The following IMMP2L variants were observed in gnomAD, a reference collection of about 807,000 sequenced individuals.
IMMP2L encodes the protein mitochondrial inner membrane protease subunit 2.
In IMMP2L, 18 loss-of-function variants were observed where a neutral mutation model predicts 19.3. The ratio of observed to expected loss-of-function variants is 0.93; its 90% CI spans 0.64 to 1.38. The LOEUF (loss-of-function observed/expected upper bound fraction) is 1.38, where lower values mean the gene tolerates loss of function less well. IMMP2L is among the 40% of genes most tolerant of loss of function. IMMP2L has a pLI of 0.00. For missense variants in IMMP2L, 233 were observed against 218.2 expected (o/e 1.07, Z -0.43); for synonymous variants, 76 against 73.0 (o/e 1.04, Z -0.21).
At chr7:111,478,360 C>A (rs1006902977) in intron 3 of IMMP2L, among the ~76,000 whole-genome samples, 5 of 151,974 alleles carry the variant, frequency 3.3e-5, no homozygotes, top group African/African-American at 1.2e-4. Flanking sequence ...AAATTATCCA[C>A]CTTTTCATCA....
At chr7:111,022,020 T>A (rs1826334347) in intron 3 of IMMP2L, among the ~76,000 whole-genome samples, 1 of 152,156 alleles carries the variant, frequency 6.6e-6, no homozygotes, top group East Asian at 1.9e-4. Flanking sequence ...CAATTTAACA[T>A]GAGATTTGTG....
At chr7:110,703,535 G>A (rs566650770) in intron 5 of IMMP2L, among the ~76,000 whole-genome samples, 6 of 151,984 alleles carry the variant, frequency 3.9e-5, no homozygotes, top group South Asian at 2.1e-4. Flanking sequence ...TCAGTTTTTC[G>A]AAACCTCAGT....
intron 4 of IMMP2L, among the ~76,000 whole-genome samples, chr7:110,898,285 A>C (rs768644513): frequency 6.6e-6 from 1 of 151,522 alleles, no homozygotes; most frequent in Non-Finnish European, 1.5e-5. Flanking sequence ...ATTAAGGGCA[A>C]TATGTCCAGG....
At chr7:111,373,623 A>G (rs1008112546) in intron 3 of IMMP2L, among the ~76,000 whole-genome samples, 3 of 152,042 alleles carry the variant, frequency 2.0e-5, no homozygotes, top group Non-Finnish European at 4.4e-5. Context: ...ATAAGTTCCC[A>G]TTGGAGAAAA....
intron 2 of IMMP2L, among the ~76,000 whole-genome samples, chr7:111,500,137 A>C (rs1378861711): frequency 6.6e-6 from 1 of 152,124 alleles, no homozygotes; most frequent in African/African-American, 2.4e-5. Context: ...GGCTTAAAAA[A>C]ACGGCATACC....
Position 111,417,561 on chromosome 7 carries a change from G to T in IMMP2L, c.239+69677C>A, listed in dbSNP as rs139738430. ...CTGATATGAAGGTTCGTAGTCAGAG[G>T]TCTATGAAGACCCCTCAATGTGTAA... On this transcript the variant is annotated intron_variant, in intron 3 of 5. Coordinates refer to ENST00000405709, the MANE Select transcript of IMMP2L (RefSeq NM_032549.4). 2.0e-5 allele frequency among the ~76,000 whole-genome samples: 3 copies of T among 151,870 alleles called. No individual in the cohort carries two copies. The East Asian group carries it at 5.8e-4, about 29-fold the overall frequency.
chr7:111,237,162 T>C (rs888767356), intron 3 of IMMP2L, among the ~76,000 whole-genome samples: 2 of 152,184 alleles, frequency 1.3e-5, no homozygotes, highest in African/African-American at 4.8e-5. Context: ...AGATATAATG[T>C]CTCACACATA....
intron 3 of IMMP2L, among the ~76,000 whole-genome samples, chr7:111,240,541 A>C (rs1293766120): frequency 6.6e-6 from 1 of 151,968 alleles, no homozygotes; most frequent in African/African-American, 2.4e-5. Context: ...AATAAAACGA[A>C]GAAGAACCAG....
chr7:111,483,812 T>C (rs1842396300), intron 3 of IMMP2L: 1 of 152,136 alleles, frequency 6.6e-6, no homozygotes, highest in Non-Finnish European at 1.5e-5. Context: ...TCCTATGTAA[T>C]TTTTTTCCCA....
chr7:110,804,699 C>A (rs747719320), intron 5 of IMMP2L, among the ~76,000 whole-genome samples: 2 of 152,106 alleles, frequency 1.3e-5, no homozygotes, highest in African/African-American at 2.4e-5. Flanking sequence ...AACTTAAAGA[C>A]AATCAGCTTT....
intron 5 of IMMP2L, among the ~76,000 whole-genome samples, chr7:110,827,765 T>A (rs531688400): frequency 6.6e-6 from 1 of 152,260 alleles, no homozygotes; most frequent in African/African-American, 2.4e-5. Flanking sequence ...CTTCACATAC[T>A]TGAATACAGC....
At chr7:111,048,909 C>A (rs2129572434) in intron 3 of IMMP2L, among the ~76,000 whole-genome samples, 1 of 152,108 alleles carries the variant, frequency 6.6e-6, no homozygotes, top group African/African-American at 2.4e-5. Flanking sequence ...TCTGACATAT[C>A]CAAATGCTAC....
rs920105965 is a variant in IMMP2L, at chr7:110,663,415, G to A, written c.*187C>T. ...GAACTAAAATTTAACACAAAATCAG[G>A]TGCCATTTAATACTGTTTAACATTT... On this transcript the variant is annotated 3_prime_UTR_variant, in exon 6 of 6. Coordinates refer to ENST00000405709, the MANE Select transcript of IMMP2L (RefSeq NM_032549.4). The A allele has an allele frequency of 2.5e-5, 12 of 480,188 alleles. No homozygotes were observed. Among genetic ancestry groups the A allele is most frequent in the Non-Finnish European group, 3.6e-5 (10 of 276,448 alleles). The allele number at this position is 480,188 out of a possible 1,614,324, so 29.7% of individuals were successfully genotyped here. A position where few individuals can be genotyped will look rare whatever the true frequency, so the allele number is the denominator to read the frequency against.
At chr7:111,365,906 G>C (rs1176217781) in intron 3 of IMMP2L, among the ~76,000 whole-genome samples, 2 of 151,984 alleles carry the variant, frequency 1.3e-5, no homozygotes, top group Non-Finnish European at 2.9e-5. Context: ...TAAACCACCA[G>C]TAAAAAAATT....
At chr7:111,274,679 T>A (rs2130412124) in intron 3 of IMMP2L, among the ~76,000 whole-genome samples, 1 of 152,262 alleles carries the variant, frequency 6.6e-6, no homozygotes, top group South Asian at 2.1e-4. Flanking sequence ...TCCAGTTATA[T>A]CTCAAAAGAG....
At chr7:110,956,243 T>C (rs1818341361) in intron 4 of IMMP2L, among the ~76,000 whole-genome samples, 1 of 152,038 alleles carries the variant, frequency 6.6e-6, no homozygotes, top group South Asian at 2.1e-4. Flanking sequence ...TTTAAATATT[T>C]TGCAGTGAGA....
intron 3 of IMMP2L, among the ~76,000 whole-genome samples, chr7:111,057,023 T>C (rs552439309): frequency 1.3e-5 from 2 of 152,324 alleles, no homozygotes; most frequent in Admixed American, 1.3e-4. Context: ...CTAGATGTAA[T>C]TACCTTGGAA....
chr7:111,479,636 C>G (rs1452777797), intron 3 of IMMP2L, among the ~76,000 whole-genome samples: 1 of 152,162 alleles, frequency 6.6e-6, no homozygotes, highest in African/African-American at 2.4e-5. Flanking sequence ...ATAGCTAAAT[C>G]TGACTCCTTA....
At chr7:110,963,411 A>G (rs533328790) in intron 4 of IMMP2L, 89 bp downstream of exon 4, 1 of 913,492 alleles carries the variant, frequency 1.1e-6, no homozygotes, top group African/African-American at 1.7e-5. Context: ...TTTGGCCCTC[A>G]TGGACTTCAG....
Sources: gnomAD v4.1 joint callset for allele counts (sites outside exome capture counted in the v4.1 genomes callset) on GRCh38, gnomAD v4.1.1 for gene constraint, MANE v1.5 for transcripts, NCBI Gene and HGNC (gene_info 2026-07-23, HGNC 2026-07-21) for gene names.